The following KDM4B variants were observed in gnomAD, a reference collection of about 807,000 sequenced individuals.
KDM4B encodes the protein lysine demethylase 4B.
KDM4B carries 32 observed loss-of-function variants against 125.2 expected under a neutral mutation model. The ratio of observed to expected loss-of-function variants is 0.26; its 90% CI spans 0.19 to 0.34. The LOEUF (loss-of-function observed/expected upper bound fraction) is 0.34, where lower values mean the gene tolerates loss of function less well. Ranked by LOEUF, KDM4B falls within the 10% of genes least tolerant of loss-of-function variation. The pLI, the probability that KDM4B is intolerant of heterozygous loss-of-function variation, is 1.00. For synonymous variants in KDM4B, 721 were observed against 677.9 expected (o/e 1.06, Z -0.99); for missense variants, 1,190 against 1,577.7 (o/e 0.75, Z 4.16).
chr19:5,135,716 C>T (rs1301816379), intron 15 of KDM4B, among the ~76,000 whole-genome samples, 155 bp downstream of exon 15: 2 of 152,226 alleles, frequency 1.3e-5, no homozygotes, highest in East Asian at 3.9e-4. Flanking sequence ...CCCCCGGTGA[C>T]TTCCTGCAAT....
chr19:5,069,250 C>T (rs11085111), intron 6 of KDM4B, among the ~76,000 whole-genome samples: 13,970 of 152,116 alleles, frequency 0.092, 873 homozygotes, highest in East Asian at 0.25. Flanking sequence ...TTAGAGGCTC[C>T]GTGATGTTCG....
intron 11 of KDM4B, among the ~76,000 whole-genome samples, chr19:5,129,335 G>T (rs1473993123): frequency 6.6e-6 from 1 of 151,976 alleles, no homozygotes; most frequent in African/African-American, 2.4e-5. Flanking sequence ...GGGTCAGTGT[G>T]GGTCAAGGGT....
chr19:5,129,136 C>T (rs1036934418), intron 11 of KDM4B, among the ~76,000 whole-genome samples: 1 of 152,138 alleles, frequency 6.6e-6, no homozygotes, highest in Non-Finnish European at 1.5e-5. Context: ...ACACCGTGGG[C>T]GGTCCCCCAA....
chr19:5,005,538 A>G (rs1255868009), intron 1 of KDM4B, among the ~76,000 whole-genome samples: 1 of 152,122 alleles, frequency 6.6e-6, no homozygotes, highest in Non-Finnish European at 1.5e-5. Context: ...CTGAGGCCCC[A>G]GAGGTGGGGG....
At chr19:5,125,088 C>A (rs565896349) in intron 11 of KDM4B, among the ~76,000 whole-genome samples, 5 of 151,644 alleles carry the variant, frequency 3.3e-5, no homozygotes, top group Non-Finnish European at 5.9e-5. Context: ...TTAGTAGACA[C>A]GGGGTCTCGC....
intron 6 of KDM4B, among the ~76,000 whole-genome samples, chr19:5,058,187 C>G (rs542859248): frequency 2.1e-4 from 32 of 152,346 alleles, no homozygotes; most frequent in African/African-American, 7.0e-4. Flanking sequence ...CCTGCAGGGG[C>G]TCAGCCAACA....
chr19:5,037,038 G>A (rs2036650065), intron 3 of KDM4B, among the ~76,000 whole-genome samples: 1 of 152,266 alleles, frequency 6.6e-6, no homozygotes, highest in Non-Finnish European at 1.5e-5. Flanking sequence ...CCGTGGAAGG[G>A]ACAGATGAGC....
chr19:5,137,443 T>A, intron 16 of KDM4B, 105 bp downstream of exon 16: 2 of 1,254,184 alleles, frequency 1.6e-6, no homozygotes, highest in Non-Finnish European at 2.2e-6. Context: ...TGGGCCTGGG[T>A]TCCTTCACCT....
chr19:5,019,226 G>C (rs2035992152), intron 2 of KDM4B, among the ~76,000 whole-genome samples: 1 of 151,268 alleles, frequency 6.6e-6, no homozygotes, highest in Non-Finnish European at 1.5e-5. Context: ...GGATGTTGGT[G>C]TGGGTGTTGG....
At chr19:5,023,331 C>T (rs752214561) in intron 2 of KDM4B, among the ~76,000 whole-genome samples, 3 of 152,160 alleles carry the variant, frequency 2.0e-5, no homozygotes, top group Non-Finnish European at 2.9e-5. Flanking sequence ...AAGTGAATCC[C>T]GGTCTTGCCA....
chr19:5,082,609 G>A lies in KDM4B; in HGVS notation c.918+105G>A, dbSNP rs2038336058. ...GCTGGTCCAGCAGCCGTTTCGCTCA[G>A]CCCAGGGCCTGGGCTCTCAACCAGG... On this transcript the variant is annotated intron_variant, in intron 9 of 22. Coordinates refer to ENST00000159111, the MANE Select transcript of KDM4B (RefSeq NM_015015.3). This position sits in a 1 kb window ranked among gnomAD's most constrained non-coding sequence, Gnocchi z 5.4. 6 of 1,296,486 alleles carry A rather than the reference G, an allele frequency of 4.6e-6. No individual in the cohort carries two copies. The Admixed American group carries it at 7.7e-5, about 17-fold the overall frequency. The allele number at this position is 1,296,486 out of a possible 1,614,324, so 80.3% of individuals were successfully genotyped here.
intron 9 of KDM4B, among the ~76,000 whole-genome samples, chr19:5,095,343 G>T (rs186404471): frequency 9.2e-5 from 14 of 152,330 alleles, no homozygotes; most frequent in Admixed American, 3.9e-4. Flanking sequence ...TCATTAGGCC[G>T]GTGGCTGTGT....
chr19:4,972,641 T>C (rs1339899565), intron 1 of KDM4B, among the ~76,000 whole-genome samples: 1 of 152,208 alleles, frequency 6.6e-6, no homozygotes, highest in Non-Finnish European at 1.5e-5. Flanking sequence ...AACCCCGCAG[T>C]GAGAACCTTG....
intron 11 of KDM4B, among the ~76,000 whole-genome samples, chr19:5,123,923 T>C (rs1272237635): frequency 1.5e-5 from 2 of 131,918 alleles, no homozygotes; most frequent in African/African-American, 5.7e-5. Flanking sequence ...GGGATGTCGC[T>C]GGAGGGACTG....
chr19:5,036,183 G>T (rs1308648976), intron 3 of KDM4B, among the ~76,000 whole-genome samples: 1 of 152,148 alleles, frequency 6.6e-6, no homozygotes, highest in Non-Finnish European at 1.5e-5. Flanking sequence ...TCTCACCCTG[G>T]TCTGCCTGCC....
intron 9 of KDM4B, among the ~76,000 whole-genome samples, chr19:5,085,356 T>C (rs2038456732): frequency 6.6e-6 from 1 of 152,212 alleles, no homozygotes; most frequent in South Asian, 2.1e-4. Flanking sequence ...GTCTGTGTGT[T>C]TGTGCTGCCG....
intron 6 of KDM4B, among the ~76,000 whole-genome samples, chr19:5,063,644 C>A (rs1445508670): frequency 4.6e-5 from 7 of 152,220 alleles, no homozygotes; most frequent in African/African-American, 1.7e-4. Flanking sequence ...GCACTGAGCC[C>A]AGCAACGCAG....
rs373447459 is a variant in KDM4B at position 5,071,589 on chromosome 19, T to G, written c.676+530T>G. Among the ~76,000 whole-genome samples, 6 of 152,348 alleles carry G rather than the reference T, an allele frequency of 3.9e-5. No individual in the cohort carries two copies. In the East Asian group the frequency reaches 7.7e-4, roughly 20 times the overall value. Reference sequence around the variant, plus strand: ...GTGATGCCACCAGCTCGCGTTCATGTGCTCCCTGGGGACTCTTGGGAAAGA... The same window carrying G: ...GTGATGCCACCAGCTCGCGTTCATGGGCTCCCTGGGGACTCTTGGGAAAGA... On this transcript the variant is annotated intron_variant, in intron 7 of 22. Transcript: ENST00000159111.
rs765916404 is a variant in KDM4B at position 4,997,503 on chromosome 19, C to T, written c.-108-18754C>T. 9.2e-5 allele frequency among the ~76,000 whole-genome samples: 14 copies of T among 152,088 alleles called. No homozygotes were observed. Among genetic ancestry groups the T allele is most frequent in the Non-Finnish European group, 1.8e-4 (12 of 67,982 alleles). On this transcript the variant is annotated intron_variant, in intron 1 of 22. Transcript: ENST00000159111. The surrounding 1 kb of genome is among the most constrained non-coding windows in gnomAD (Gnocchi z 4.2). ...CTGGGCCTGCGTACCCAGTGGGTGG[C>T]GCTCAGGTCTGCAGCTGCCTCCTTG... is the stretch of plus-strand genomic sequence containing the variant.
Sources: gnomAD v4.1 joint callset for allele counts (sites outside exome capture counted in the v4.1 genomes callset) on GRCh38, gnomAD v4.1.1 for gene constraint, Gnocchi (gnomAD v3.1) non-coding constraint, MANE v1.5 for transcripts, NCBI Gene and HGNC (gene_info 2026-07-23, HGNC 2026-07-21) for gene names.